The following CELF2 variants were observed in gnomAD, a reference collection of about 807,000 sequenced individuals.
CELF2 encodes CUG triplet repeat RNA-binding protein 2.
In CELF2, 8 loss-of-function variants were observed where a neutral mutation model predicts 62.6. That is an observed-to-expected ratio of 0.13 (90% CI 0.07 to 0.23). CELF2 has a LOEUF of 0.23. Ranked by LOEUF, CELF2 falls within the 10% of genes least tolerant of loss-of-function variation. CELF2 has a pLI of 1.00. For synonymous variants in CELF2, 258 were observed against 250.0 expected, an observed-to-expected ratio of 1.03 and a Z score of -0.30; for missense variants, 333 against 671.0, an observed-to-expected ratio of 0.50 and a Z score of 5.56.
chr10:10,878,036 G>A (rs2061218796), intron 1 of CELF2, among the ~76,000 whole-genome samples: 1 of 152,128 alleles, frequency 6.6e-6, no homozygotes, highest in African/African-American at 2.4e-5. Context: ...CAACGGAGGG[G>A]ACCAGTGGAC....
At chr10:10,620,086 T>C in the CELF2 span, among the ~76,000 whole-genome samples, 2 of 152,212 alleles carry the variant, frequency 1.3e-5, no homozygotes, top group African/African-American at 4.8e-5. Flanking sequence ...AAAATGTTTC[T>C]AATACTTCCT....
chr10:10,536,022 A>ATTTT, the CELF2 span, among the ~76,000 whole-genome samples: 12 of 140,232 alleles, frequency 8.6e-5, no homozygotes, highest in African/African-American at 3.2e-4. Flanking sequence ...AAGCTTTTGG[A>ATTTT]TTTTTTTTTT....
the CELF2 span, among the ~76,000 whole-genome samples, chr10:10,526,825 G>A: frequency 2.1e-3 from 318 of 152,288 alleles, 1 homozygote; most frequent in African/African-American, 7.2e-3. Flanking sequence ...TCTACAGAAC[G>A]TTGTTCCTTC....
intron 1 of CELF2, among the ~76,000 whole-genome samples, chr10:11,088,356 G>C (rs1158484646): frequency 6.6e-6 from 1 of 152,212 alleles, no homozygotes; most frequent in African/African-American, 2.4e-5. Flanking sequence ...ATCATCAGTG[G>C]AAAATGAGAG....
At chr10:10,912,180 A>G (rs1022321571) in intron 1 of CELF2, among the ~76,000 whole-genome samples, 9 of 149,508 alleles carry the variant, frequency 6.0e-5, no homozygotes, top group African/African-American at 2.3e-4. Context: ...TAATGCAGTC[A>G]CATATTCACA....
the CELF2 span, among the ~76,000 whole-genome samples, chr10:10,620,727 C>G: frequency 6.6e-6 from 1 of 150,382 alleles, no homozygotes; most frequent in Non-Finnish European, 1.5e-5. Context: ...ACGGTGAAAC[C>G]CCCTCTCTAC....
chr10:10,663,194 A>G, the CELF2 span, among the ~76,000 whole-genome samples: 3 of 152,232 alleles, frequency 2.0e-5, no homozygotes. Flanking sequence ...CACTCAAAAT[A>G]TTGTGAGGAG....
the CELF2 span, among the ~76,000 whole-genome samples, chr10:10,701,743 C>A: frequency 6.6e-6 from 1 of 152,172 alleles, no homozygotes; most frequent in African/African-American, 2.4e-5. Flanking sequence ...AGAGGCCGTG[C>A]GGGGTGCAGC....
At chr10:11,180,147 T>C (rs1405431175) in intron 2 of CELF2, among the ~76,000 whole-genome samples, 1 of 152,314 alleles carries the variant, frequency 6.6e-6, no homozygotes, top group Non-Finnish European at 1.5e-5. Context: ...TGAGCCATGA[T>C]GTCTGGTTCT....
At chr10:11,172,955 G>C (rs2069456331) in intron 2 of CELF2, among the ~76,000 whole-genome samples, 1 of 152,162 alleles carries the variant, frequency 6.6e-6, no homozygotes. Context: ...GAAAACCCAG[G>C]GTTTCTAGGC....
At chr10:10,574,340 T>C in the CELF2 span, among the ~76,000 whole-genome samples, 2 of 152,130 alleles carry the variant, frequency 1.3e-5, no homozygotes, top group African/African-American at 4.8e-5. Flanking sequence ...AGAAGCACAC[T>C]GAAGGCATGA....
At chr10:11,056,983 G>T (rs376450231) in intron 1 of CELF2, among the ~76,000 whole-genome samples, 1 of 152,150 alleles carries the variant, frequency 6.6e-6, no homozygotes, top group African/African-American at 2.4e-5. Flanking sequence ...AGTAAGAACC[G>T]CTGCGTGAAG....
chr10:11,129,962 G>A (rs1358338412), intron 1 of CELF2, among the ~76,000 whole-genome samples: 2 of 152,192 alleles, frequency 1.3e-5, no homozygotes, highest in Non-Finnish European at 2.9e-5. Flanking sequence ...TAATTGTGAT[G>A]TTAGGGTGTT....
chr10:11,084,754 A>T (rs1407889191), intron 1 of CELF2, among the ~76,000 whole-genome samples: 1 of 152,112 alleles, frequency 6.6e-6, no homozygotes, highest in Admixed American at 6.5e-5. Context: ...GAATAAAAGA[A>T]AAAAAAACCC....
rs2060673958 is a variant in CELF2 at position 11,207,362 on chromosome 10, A to G, written c.272-10063A>G. ...CTCCAGGGAAAGTCCCCAGGGCAAC[A>G]GGAGGCTGCCAGGGGCCTGGATCTT... On this transcript the variant is annotated intron_variant, in intron 2 of 12. Transcript: ENST00000633077. The surrounding 1 kb of genome is among the most constrained non-coding windows in gnomAD (Gnocchi z 4.1). Among the ~76,000 whole-genome samples, 1 of 152,200 alleles carries G rather than the reference A, an allele frequency of 6.6e-6. No homozygotes were observed.
the CELF2 span, among the ~76,000 whole-genome samples, chr10:10,561,390 C>G: frequency 6.6e-6 from 1 of 152,138 alleles, no homozygotes. Flanking sequence ...GCTCCATTTC[C>G]TTTCTTCACT....
chr10:11,201,166 G>A (rs2059134361), intron 2 of CELF2, among the ~76,000 whole-genome samples: 1 of 152,244 alleles, frequency 6.6e-6, no homozygotes, highest in African/African-American at 2.4e-5. Flanking sequence ...GTCCCCTGAA[G>A]TGTGAGGCAG....
At chr10:10,967,050 G>A (rs1403377975) in intron 2 of CELF2, among the ~76,000 whole-genome samples, 1 of 152,166 alleles carries the variant, frequency 6.6e-6, no homozygotes, top group East Asian at 1.9e-4. Flanking sequence ...AGAACAATTC[G>A]AGAACCGGGC....
At chr10:10,782,181 A>T in the CELF2 span, among the ~76,000 whole-genome samples, 1 of 152,200 alleles carries the variant, frequency 6.6e-6, no homozygotes, top group Non-Finnish European at 1.5e-5. Context: ...GAAGAAATTT[A>T]TTATGAGAAA....
Sources: allele counts gnomAD v4.1 joint callset (sites outside exome capture counted in the v4.1 genomes callset), GRCh38; gene constraint gnomAD v4.1.1; non-coding constraint Gnocchi (gnomAD v3.1); transcripts MANE v1.5; gene names NCBI Gene and HGNC (gene_info 2026-07-23, HGNC 2026-07-21).